Variants in SMCHD1 observed in about 807,000 individuals in gnomAD.
SMCHD1 encodes structural maintenance of chromosomes flexible hinge domain containing 1, also known as structural maintenance of chromosomes flexible hinge domain-containing protein 1.
Under a neutral mutation model 254.7 loss-of-function variants are expected in SMCHD1, and 78 were observed. The observed-to-expected ratio is 0.31, with a 90% CI of 0.26 to 0.37. SMCHD1 has a LOEUF of 0.37. Ranked by LOEUF, SMCHD1 falls within the 10% of genes least tolerant of loss-of-function variation. SMCHD1 has a pLI of 1.00. For missense variants in SMCHD1, 1,840 were observed against 2,408.1 expected, an observed-to-expected ratio of 0.76 and a Z score of 4.94; for synonymous variants, 766 against 794.9, an observed-to-expected ratio of 0.96 and a Z score of 0.61.
At chr18:2,752,989 C>T (rs1426465306) in intron 34 of SMCHD1, 1 of 173,532 alleles carries the variant, frequency 5.8e-6, no homozygotes, top group Non-Finnish European at 1.2e-5. Context: ...TCAAAATGCT[C>T]ATTATATTTG....
chr18:2,734,651 C>CTTTTT (rs33995854), intron 25 of SMCHD1, among the ~76,000 whole-genome samples: 1 of 145,982 alleles, frequency 6.9e-6, no homozygotes, highest in Admixed American at 6.8e-5. Flanking sequence ...GCTTATTTTC[C>CTTTTT]TTTTTTTTTT....
chr18:2,656,770 G>C (rs999168993), intron 1 of SMCHD1, among the ~76,000 whole-genome samples: 1 of 152,200 alleles, frequency 6.6e-6, no homozygotes, highest in Non-Finnish European at 1.5e-5. Context: ...GCCCTGTCGA[G>C]GTTGCAGGTC....
At chr18:2,693,958 C>A (rs1220757256) in intron 7 of SMCHD1, among the ~76,000 whole-genome samples, 1 of 152,154 alleles carries the variant, frequency 6.6e-6, no homozygotes, top group Non-Finnish European at 1.5e-5. Context: ...TAGATTCATA[C>A]TACAGATGGA....
chr18:2,672,285 G>A (rs2073629236), intron 3 of SMCHD1, among the ~76,000 whole-genome samples: 1 of 152,094 alleles, frequency 6.6e-6, no homozygotes, highest in Non-Finnish European at 1.5e-5. Context: ...GGAGTGCAGT[G>A]GTGCAATCTT....
intron 45 of SMCHD1, among the ~76,000 whole-genome samples, chr18:2,789,825 T>C (rs1028990447): frequency 6.6e-6 from 1 of 152,146 alleles, no homozygotes; most frequent in African/African-American, 2.4e-5. Context: ...ACTTTTAAAA[T>C]GCAAAGGAAA....
chr18:2,774,177 A>G (rs1440755086), intron 41 of SMCHD1, among the ~76,000 whole-genome samples: 2 of 152,086 alleles, frequency 1.3e-5, no homozygotes, highest in Admixed American at 6.5e-5. Context: ...GCCCTTCTAA[A>G]TAGGTTTTAT....
intron 5 of SMCHD1, among the ~76,000 whole-genome samples, chr18:2,685,189 T>G (rs1161344170): frequency 7.0e-6 from 1 of 142,720 alleles, no homozygotes; most frequent in East Asian, 2.2e-4. Context: ...AAACTCTGCC[T>G]CCCGGGTTCA....
chr18:2,723,741 C>T (rs918836494), intron 20 of SMCHD1, among the ~76,000 whole-genome samples: 6 of 152,146 alleles, frequency 3.9e-5, no homozygotes, highest in Admixed American at 3.3e-4. Context: ...TTCAGAGATT[C>T]ATCTTTCACT....
rs1051732808 is a variant in SMCHD1 at position 2,660,576 on chromosome 18, C to T, written c.186+4315C>T. ...GCAACCTCCGCCTCCCAAGTTCCAG[C>T]GATTCTCCTGCTTCAGCCTTCCAAA... On this transcript the variant is annotated intron_variant, in intron 1 of 47. Transcript: ENST00000320876. 4.0e-5 allele frequency among the ~76,000 whole-genome samples: 6 copies of T among 150,278 alleles called. No individual in the cohort carries two copies. In the East Asian group the frequency reaches 1.2e-3, roughly 30 times the overall value.
At chr18:2,691,052 T>A (rs2074167929) in intron 7 of SMCHD1, among the ~76,000 whole-genome samples, 1 of 152,122 alleles carries the variant, frequency 6.6e-6, no homozygotes, top group Non-Finnish European at 1.5e-5. Context: ...GATAACTTAA[T>A]ATACCCTTTG....
chr18:2,696,273 C>T (rs2074283552), intron 8 of SMCHD1, among the ~76,000 whole-genome samples: 1 of 152,130 alleles, frequency 6.6e-6, no homozygotes, highest in African/African-American at 2.4e-5. Context: ...CCCCAACGCC[C>T]CGGTCGTGAA....
chr18:2,747,424 C>T (rs1423660734), intron 29 of SMCHD1, 98 bp from the exon 30 acceptor site: 1 of 1,084,460 alleles, frequency 9.2e-7, no homozygotes, highest in Non-Finnish European at 1.3e-6. Flanking sequence ...GCAAATAGAA[C>T]AGAGATAAAT....
At chr18:2,749,181 A>T (rs747330182) in intron 30 of SMCHD1, among the ~76,000 whole-genome samples, 9 of 152,226 alleles carry the variant, frequency 5.9e-5, no homozygotes, top group Non-Finnish European at 7.3e-5. Flanking sequence ...CCAGAGGGTA[A>T]TTGGGACAGG....
chr18:2,708,609 CCTTCCTGCTT>C (rs1568197189), intron 17 of SMCHD1, among the ~76,000 whole-genome samples: 3 of 52,014 alleles, frequency 5.8e-5, no homozygotes, highest in African/African-American at 2.0e-4. Flanking sequence ...CCTTTCATGA[CCTTCCTGCTT>C]TTTTTTTTTT....
chr18:2,697,794 A>G (rs766297366), intron 9 of SMCHD1, 37 bp from the exon 10 acceptor site: 15 of 1,373,882 alleles, frequency 1.1e-5, no homozygotes, highest in Non-Finnish European at 1.5e-5. Context: ...TAAAGTTACC[A>G]TAGAATTTAA....
At chr18:2,702,771 A>G (rs910750496) in intron 12 of SMCHD1, among the ~76,000 whole-genome samples, 1 of 152,256 alleles carries the variant, frequency 6.6e-6, no homozygotes. Flanking sequence ...CTTGACAGCA[A>G]GCATCAAAAA....
chr18:2,765,623 G>A (rs1031369735), intron 37 of SMCHD1, among the ~76,000 whole-genome samples: 24 of 152,156 alleles, frequency 1.6e-4, no homozygotes, highest in African/African-American at 5.8e-4. Context: ...CTAAAGATCT[G>A]TCAACACTGG....
Position 2,703,829 on chromosome 18 carries a change from C to T in SMCHD1, c.1785C>T (p.Pro595=). The change falls in exon 13 of 48, where the codon CCC becomes CCT. Residue 595 remains proline, a synonymous_variant. Transcript: ENST00000320876. ...RPDLPSKKQG[P]WATYAAIEWD... ...ATCTTCCTTCTAAAAAGCAAGGTCCCTGGGCAACATATGCAGCAATAGAAT... is the reference window on the plus strand; with the variant it reads ...ATCTTCCTTCTAAAAAGCAAGGTCCTTGGGCAACATATGCAGCAATAGAAT... The T allele has an allele frequency of 6.2e-7, 1 of 1,612,800 alleles. No individual in the cohort carries two copies. Among genetic ancestry groups the T allele is most frequent in the East Asian group, 2.2e-5 (1 of 44,788 alleles).
chr18:2,728,783 A>T (rs530300279), intron 23 of SMCHD1, 187 bp downstream of exon 23: 1 of 522,524 alleles, frequency 1.9e-6, no homozygotes, highest in South Asian at 3.5e-5. Flanking sequence ...AAAGATGCCA[A>T]CTGTGCCCAG....
Sources: gnomAD v4.1 joint callset for allele counts (sites outside exome capture counted in the v4.1 genomes callset) on GRCh38, gnomAD v4.1.1 for gene constraint, MANE v1.5 for transcripts, NCBI Gene and HGNC (gene_info 2026-07-23, HGNC 2026-07-21) for gene names.